The following CMKLR2 variants were observed in gnomAD, a reference collection of about 807,000 sequenced individuals.
CMKLR2 encodes chemerin chemokine-like receptor 2.
A neutral mutation model predicts 23.0 loss-of-function variants in CMKLR2; 18 were observed. That is an observed-to-expected ratio of 0.78 (90% CI 0.54 to 1.16). The LOEUF is 1.16. Among genes scored for constraint, CMKLR2 ranks in the 50% most tolerant of loss-of-function variants. The pLI is 0.00. For synonymous variants in CMKLR2, 158 were observed against 158.9 expected, an observed-to-expected ratio of 0.99 and a Z score of 0.05; for missense variants, 401 against 412.7, an observed-to-expected ratio of 0.97 and a Z score of 0.25.
chr2:206,197,434 T>C (rs1688957536), intron 1 of CMKLR2, among the ~76,000 whole-genome samples: 1 of 152,196 alleles, frequency 6.6e-6, no homozygotes, highest in Non-Finnish European at 1.5e-5. Context: ...GGTTAACACT[T>C]CAGGCACAGG....
At chr2:206,213,581 T>TCGACCA (rs1251738202), upstream of CMKLR2, 1 of 152,196 alleles carries the variant, frequency 6.6e-6, no homozygotes, top group Non-Finnish European at 1.5e-5. Context: ...AGCCTATGTT[T>TCGACCA]GTGTAAGAAG....
intron 1 of CMKLR2, among the ~76,000 whole-genome samples, chr2:206,200,362 G>A (rs1559093942): frequency 2.0e-5 from 3 of 152,200 alleles, no homozygotes; most frequent in African/African-American, 7.2e-5. Flanking sequence ...GGCGGAGGAT[G>A]CGGTGAGCCG....
intron 1 of CMKLR2, among the ~76,000 whole-genome samples, chr2:206,212,674 G>C (rs547163651): frequency 1.9e-4 from 29 of 152,238 alleles, no homozygotes; most frequent in African/African-American, 6.7e-4. Flanking sequence ...CCCCTTGTTG[G>C]GAGAGCCCAG....
chr2:206,198,963 T>C (rs1374484267), intron 1 of CMKLR2, among the ~76,000 whole-genome samples: 1 of 152,228 alleles, frequency 6.6e-6, no homozygotes, highest in African/African-American at 2.4e-5. Flanking sequence ...CCAGAACAGC[T>C]GTAGAATTTT....
intron 1 of CMKLR2, among the ~76,000 whole-genome samples, chr2:206,193,024 T>C (rs1306160647): frequency 6.6e-6 from 1 of 152,224 alleles, no homozygotes; most frequent in Non-Finnish European, 1.5e-5. Flanking sequence ...TGGGCATGTT[T>C]AGTACAAATA....
chr2:206,188,998 A>G (rs1299704038), intron 1 of CMKLR2, among the ~76,000 whole-genome samples: 1 of 152,200 alleles, frequency 6.6e-6, no homozygotes, highest in Non-Finnish European at 1.5e-5. Flanking sequence ...CTATAGAGGG[A>G]AACATTTTGT....
intron 1 of CMKLR2, among the ~76,000 whole-genome samples, chr2:206,209,651 T>C (rs6729001): frequency 0.031 from 935 of 29,704 alleles, 12 homozygotes; most frequent in South Asian, 0.038. Context: ...TTCTTTCTTT[T>C]TTTTTTTTTT....
At chr2:206,210,299 C>T (rs1689509617) in intron 1 of CMKLR2, among the ~76,000 whole-genome samples, 1 of 152,094 alleles carries the variant, frequency 6.6e-6, no homozygotes, top group Admixed American at 6.6e-5. Context: ...GCTTCCAGCT[C>T]CATCCATGTC....
chr2:206,191,241 G>T (rs1688737853), intron 1 of CMKLR2, among the ~76,000 whole-genome samples: 1 of 152,174 alleles, frequency 6.6e-6, no homozygotes, highest in African/African-American at 2.4e-5. Context: ...CCTAACTCAT[G>T]GGGTTGCTGT....
intron 1 of CMKLR2, among the ~76,000 whole-genome samples, chr2:206,177,513 A>G (rs781215837): frequency 4.6e-5 from 7 of 152,016 alleles, no homozygotes; most frequent in Non-Finnish European, 8.8e-5. Flanking sequence ...CAGCCACCCC[A>G]ATAACTAGGA....
At chr2:206,187,974 T>A (rs1226805815) in intron 1 of CMKLR2, among the ~76,000 whole-genome samples, 1 of 152,162 alleles carries the variant, frequency 6.6e-6, no homozygotes, top group South Asian at 2.1e-4. Context: ...CTTGGGTCAC[T>A]GCAACCTCCA....
chr2:206,179,446 G>T (rs541211006), intron 1 of CMKLR2, among the ~76,000 whole-genome samples: 3 of 126,232 alleles, frequency 2.4e-5, no homozygotes, highest in African/African-American at 9.3e-5. Flanking sequence ...GCGCCATCTC[G>T]GCTCATTGCA....
At chr2:206,194,940 T>G (rs1370946022) in intron 1 of CMKLR2, among the ~76,000 whole-genome samples, 1 of 150,290 alleles carries the variant, frequency 6.7e-6, no homozygotes, top group Non-Finnish European at 1.5e-5. Flanking sequence ...GTATTTTTAG[T>G]AGACACGGAG....
At position 206,175,982 on chromosome 2, in the gene CMKLR2, A is replaced by G. The variant is rs547492589; in HGVS notation, c.*198T>C. On this transcript the variant is annotated 3_prime_UTR_variant, in exon 2 of 2. Transcript: ENST00000621141. Reference sequence around the variant, plus strand: ...ATTTTCAGTTTTTTAAAAAAAATTTATTGCCACATCACAAGGAGTCAAGAG... The same window carrying G: ...ATTTTCAGTTTTTTAAAAAAAATTTGTTGCCACATCACAAGGAGTCAAGAG... 7.3e-4 allele frequency: 306 copies of G among 418,070 alleles called. 1 individual carries two copies. Among genetic ancestry groups the G allele is most frequent in the African/African-American group, 5.7e-3 (282 of 49,118 alleles). The allele number at this position is 418,070 out of a possible 1,614,324, so 25.9% of individuals were successfully genotyped here. A position where few individuals can be genotyped will look rare whatever the true frequency, so the allele number is the denominator to read the frequency against.
intron 1 of CMKLR2, among the ~76,000 whole-genome samples, chr2:206,188,038 C>A (rs6728131): frequency 0.37 from 56,201 of 151,852 alleles, 10,621 homozygotes; most frequent in African/African-American, 0.45. Flanking sequence ...AAATCAAGTG[C>A]TCTTTGTGCC....
intron 1 of CMKLR2, among the ~76,000 whole-genome samples, chr2:206,210,544 C>T (rs1334906350): frequency 2.0e-5 from 3 of 151,678 alleles, no homozygotes; most frequent in African/African-American, 4.8e-5. Context: ...CTGCAACCTC[C>T]GCCTTCCAGG....
chr2:206,175,775 G>A lies in CMKLR2; in HGVS notation c.*405C>T, dbSNP rs1688184448. The A allele has an allele frequency of 6.5e-6, 1 of 153,660 alleles. No homozygotes were observed. Among genetic ancestry groups the A allele is most frequent in the African/African-American group, 2.4e-5 (1 of 41,456 alleles). 9.5% of individuals were successfully genotyped at this position (153,660 alleles called of 1,614,324 possible). On this transcript the variant is annotated 3_prime_UTR_variant, in exon 2 of 2. Coordinates refer to ENST00000621141, the MANE Select transcript of CMKLR2 (RefSeq NM_001389445.1). Reference sequence around the variant, plus strand: ...GCCTCCCAAAGTGCTGGGATTACAGGTGTCAGCCACCGTGCCTGGCTAATC... The same window carrying A: ...GCCTCCCAAAGTGCTGGGATTACAGATGTCAGCCACCGTGCCTGGCTAATC...
At chr2:206,180,832 G>A (rs1035151655) in intron 1 of CMKLR2, among the ~76,000 whole-genome samples, 2 of 150,038 alleles carry the variant, frequency 1.3e-5, no homozygotes, top group Non-Finnish European at 3.0e-5. Flanking sequence ...TCGTCTCACT[G>A]TAACCTCCGC....
chr2:206,194,677 C>T (rs1387017382), intron 1 of CMKLR2, among the ~76,000 whole-genome samples: 2 of 150,144 alleles, frequency 1.3e-5, no homozygotes, highest in Non-Finnish European at 1.5e-5. Flanking sequence ...CTCAAGTGAT[C>T]TGTCCGCCTC....
Sources: gnomAD v4.1 joint callset for allele counts (sites outside exome capture counted in the v4.1 genomes callset) on GRCh38, gnomAD v4.1.1 for gene constraint, MANE v1.5 for transcripts, NCBI Gene and HGNC (gene_info 2026-07-23, HGNC 2026-07-21) for gene names.